The following PLEC variants were observed in gnomAD, a reference collection of about 807,000 sequenced individuals.
PLEC encodes the protein hemidesmosomal protein 1.
Under a neutral mutation model 392.8 loss-of-function variants are expected in PLEC, and 216 were observed. The ratio of observed to expected loss-of-function variants is 0.55; its 90% CI spans 0.49 to 0.62. The LOEUF (loss-of-function observed/expected upper bound fraction) is 0.62, where lower values mean the gene tolerates loss of function less well. PLEC is among the 20% of genes least tolerant of loss of function. PLEC has a pLI of 0.00. For synonymous variants in PLEC, 3,621 were observed against 2,980.6 expected (o/e 1.21, Z -7.00); for missense variants, 6,863 against 6,563.4 (o/e 1.05, Z -1.58).
upstream of PLEC, among the ~76,000 whole-genome samples, chr8:143,976,227 A>G (rs782291006): frequency 2.2e-4 from 34 of 152,174 alleles, no homozygotes; most frequent in Admixed American, 5.9e-4. Context: ...ACCAGGACGC[A>G]CGCATACCCA....
At position 143,928,004 on chromosome 8, in the gene PLEC, G is replaced by A. The variant is rs1554709196; in HGVS notation, c.3261-12C>T. 6.3e-7 allele frequency: 1 copy of A among 1,588,486 alleles called. No individual in the cohort carries two copies. Among genetic ancestry groups the A allele is most frequent in the Non-Finnish European group, 8.6e-7 (1 of 1,163,302 alleles). Reference sequence around the variant, plus strand: ...TGATGGTCTTGAGCCTGGCGGGAAAGCGGGGCTCAGGGCCATGACATGGGG... The same window carrying A: ...TGATGGTCTTGAGCCTGGCGGGAAAACGGGGCTCAGGGCCATGACATGGGG... On this transcript the variant is annotated splice_polypyrimidine_tract_variant and intron_variant, in intron 25 of 31. Transcript: ENST00000345136.
chr8:143,918,227 C>T lies in PLEC; in HGVS notation c.11594G>A (p.Arg3865His), dbSNP rs200722246. Residue 3865 changes from arginine (R) to histidine (H), a missense_variant, in exon 32 of 32, where the codon CGT (arginine) becomes CAT (histidine). Coordinates refer to ENST00000345136, the MANE Select transcript of PLEC (RefSeq NM_201384.3). Reference sequence around the variant, plus strand: ...CAGCTGGCCGGTGCCGTCGTCACGACGGCACCGCCTGAGCAGCTGCGTGTA... The same window carrying T: ...CAGCTGGCCGGTGCCGTCGTCACGATGGCACCGCCTGAGCAGCTGCGTGTA... Reference protein sequence around the residue: ...LSYTQLLRRCRRDDGTGQLLL... With the variant: ...LSYTQLLRRCHRDDGTGQLLL... The T allele has an allele frequency of 1.9e-4, 293 of 1,581,144 alleles. 2 individuals are homozygous for T. The highest frequency in any genetic ancestry group is 5.7e-4 in the African/African-American group (42 of 74,302).
intron 1 of PLEC, among the ~76,000 whole-genome samples, chr8:143,967,418 T>TG (rs1833165742): frequency 7.0e-6 from 1 of 142,130 alleles, no homozygotes; most frequent in East Asian, 2.1e-4. Flanking sequence ...CAAAAATAGA[T>TG]GCGTGGTGTG....
rs368435908 is a variant in PLEC at position 143,932,420 on chromosome 8, C to T, written c.1957G>A (p.Ala653Thr). The change falls in exon 16 of 32, where the codon GCC becomes ACC. Residue 653 changes from alanine to threonine, a missense_variant. Ala to Thr is a moderately conservative substitution (Grantham distance 58). Coordinates refer to ENST00000345136, the MANE Select transcript of PLEC (RefSeq NM_201384.3). ...CTCACCGAGTAGCTCTCCTTCTTGG[C>T]GGTCATGTTGGTGTTGCGGTCGCTC... is the stretch of plus-strand genomic sequence containing the variant. ...DWSDRNTNMTAKKESYSALMR... is the reference protein window; with the variant it reads ...DWSDRNTNMTTKKESYSALMR... The T allele has an allele frequency of 2.7e-4, 432 of 1,612,806 alleles. No homozygotes were observed. The highest frequency in any genetic ancestry group is 3.3e-4 in the Non-Finnish European group (386 of 1,179,978).
At chr8:143,935,366 C>T in intron 6 of PLEC, 53 bp from the exon 7 acceptor site, 1 of 1,274,954 alleles carries the variant, frequency 7.8e-7, no homozygotes, top group Non-Finnish European at 1.1e-6. Flanking sequence ...AGCGGCCACA[C>T]CACACAGGCG....
upstream of PLEC, among the ~76,000 whole-genome samples, chr8:143,954,866 GTCTCCAGCAAGGCCTT>G (rs2132804929): frequency 6.6e-6 from 1 of 152,356 alleles, no homozygotes; most frequent in Non-Finnish European, 1.5e-5. The surrounding 1 kb of genome is among the most constrained non-coding windows in gnomAD (Gnocchi z 4.6). Flanking sequence ...GCCTGCCTCA[GTCTCCAGCAAGGCCTT>G]TCCTCTGCCT....
intron 28 of PLEC, 30 bp from the exon 29 acceptor site, chr8:143,927,111 G>T: frequency 6.3e-7 from 1 of 1,586,922 alleles, no homozygotes; most frequent in Non-Finnish European, 8.6e-7. Flanking sequence ...TCAGCCACCA[G>T]CTCTGCCCTC....
At chr8:143,938,078 C>T (rs1265969356) in intron 3 of PLEC, 73 bp downstream of exon 3, 5 of 1,106,376 alleles carry the variant, frequency 4.5e-6, no homozygotes, top group African/African-American at 1.5e-5. Context: ...CCGGAGAGGC[C>T]CCAAGGAGGG....
rs371948989 is a variant in PLEC, at chr8:143,921,232, C to A, written c.8589G>T (p.Thr2863=). The A allele has an allele frequency of 6.2e-7, 1 of 1,613,978 alleles. No homozygotes were observed. The highest frequency in any genetic ancestry group is 1.3e-5 in the African/African-American group (1 of 74,930). ...FFDPNTHENL[T]YLQLLERCVE... is the part of the protein sequence containing the mutation. Reference sequence around the variant, plus strand: ...CGCAGCGCTCCAGTAGCTGCAGGTACGTGAGGTTCTCGTGCGTGTTGGGGT... The same window carrying A: ...CGCAGCGCTCCAGTAGCTGCAGGTAAGTGAGGTTCTCGTGCGTGTTGGGGT... The change falls in exon 32 of 32, where the codon ACG becomes ACT. Residue 2863 remains threonine (T), a synonymous_variant. Transcript: ENST00000345136.
chr8:143,919,694 C>A lies in PLEC; in HGVS notation c.10127G>T (p.Arg3376Leu). The change falls in exon 32 of 32, where the codon CGC (arginine) becomes CTC (leucine). Residue 3376 changes from arginine (R) to leucine (L), a missense_variant. Physicochemically the swap from Arg to Leu is moderately radical, Grantham distance 102. Coordinates refer to ENST00000345136, the MANE Select transcript of PLEC (RefSeq NM_201384.3). ...KEKVSIYEAMRRGLLRATTAA... is the reference protein window; with the variant it reads ...KEKVSIYEAMLRGLLRATTAA... Reference sequence around the variant, plus strand: ...CGTTGTGGCTCTCAGCAGGCCCCGGCGCATGGCCTCGTAGATGGACACCTT... The same window carrying A: ...CGTTGTGGCTCTCAGCAGGCCCCGGAGCATGGCCTCGTAGATGGACACCTT... 5 of 1,602,824 alleles carry A rather than the reference C, an allele frequency of 3.1e-6. No individual in the cohort carries two copies. Among genetic ancestry groups the A allele is most frequent in the Non-Finnish European group, 4.3e-6 (5 of 1,175,632 alleles).
In PLEC at chr8:143,916,923, G is replaced by A. The variant is rs782022985; in HGVS notation, c.12898C>T (p.Arg4300Trp). Residue 4300 changes from arginine to tryptophan, a missense_variant, in exon 32 of 32, where the codon CGG (arginine) becomes TGG (tryptophan). Transcript: ENST00000345136. ...EKVSITEAMH[R>W]NLVDNITGQR... ...CCCGTGATGTTATCCACCAGGTTCC[G>A]GTGCATGGCCTCGGTGATGGACACC... 9.3e-6 allele frequency: 15 copies of A among 1,612,722 alleles called. No individual in the cohort carries two copies. The highest frequency in any genetic ancestry group is 5.0e-5 in the Admixed American group (3 of 60,002).
Position 143,927,391 on chromosome 8 carries a change from CCCA to C in PLEC, c.3756+16_3756+18del. On this transcript the variant is annotated intron_variant, in intron 27 of 31. Transcript: ENST00000345136. ...GCAGGGCACGCCCAGCCGCCCCGTC[CCCA>C]CCGACCCAAGCCCACCTGCTCCTGC... The C allele has an allele frequency of 1.2e-6, 2 of 1,607,974 alleles. No homozygotes were observed. Among genetic ancestry groups the C allele is most frequent in the African/African-American group, 1.3e-5 (1 of 75,002 alleles).
In PLEC at chr8:143,932,359, G is replaced by A. The variant is rs782118176; in HGVS notation, c.1977+41C>T. On this transcript the variant is annotated intron_variant, in intron 16 of 31. Coordinates refer to ENST00000345136, the MANE Select transcript of PLEC (RefSeq NM_201384.3). ...AGGGGACGGCCAGGGCACAGCTGGG[G>A]AGGGGGCTGTGGGGTTCAGGGCAGC... 1.9e-6 allele frequency: 3 copies of A among 1,610,882 alleles called. No individual in the cohort carries two copies. The South Asian group carries it at 3.3e-5, about 18-fold the overall frequency.
rs782125424 is a variant in PLEC, at chr8:143,924,707, C to A, written c.5222G>T (p.Arg1741Leu). 3 of 1,533,824 alleles carry A rather than the reference C, an allele frequency of 2.0e-6. No individual in the cohort carries two copies. The highest frequency in any genetic ancestry group is 2.4e-5 in the South Asian group (2 of 83,978). The change falls in exon 31 of 32, where the codon CGT becomes CTT. Residue 1741 changes from arginine (R) to leucine (L), a missense_variant. Coordinates refer to ENST00000345136, the MANE Select transcript of PLEC (RefSeq NM_201384.3). ...LLEEELARLQ[R>L]EAAAATQKRQ... ...TTTCTGCGTGGCTGCAGCCGCCTCA[C>A]GCTGCAGCCGGGCCAGCTCCTCCTC...
Position 143,933,520 on chromosome 8 carries a change from C to T in PLEC, c.1264-169G>A, listed in dbSNP as rs190758111. On this transcript the variant is annotated intron_variant, in intron 12 of 31. Transcript: ENST00000345136. ...CCCACCTCACACATCTTCCTACTGG[C>T]CTTCTGGGGGATTGGGACCAAGTCC... Among the ~76,000 whole-genome samples, 453 of 152,338 alleles carry T rather than the reference C, an allele frequency of 3.0e-3. 3 individuals carry two copies. The highest frequency in any genetic ancestry group is 0.01 in the African/African-American group (429 of 41,576).
Position 143,969,308 on chromosome 8 carries a change from C to T in PLEC, c.70+4095G>A, listed in dbSNP as rs528748235. ...TCCTGTCTGCCTGAGCCCCTCAGCC[C>T]CCCCATTCTCCCTGTCCCCCATCCA... On this transcript the variant is annotated intron_variant, in intron 1 of 31. Transcript: ENST00000356346. This position sits in a 1 kb window ranked among gnomAD's most constrained non-coding sequence, Gnocchi z 5.1. Among the ~76,000 whole-genome samples the T allele has an allele frequency of 3.9e-5, 6 of 152,316 alleles. No individual in the cohort carries two copies. The highest frequency in any genetic ancestry group is 1.4e-4 in the African/African-American group (6 of 41,568).
chr8:143,973,338 G>T lies in PLEC; in HGVS notation c.70+65C>A. 9 of 1,528,216 alleles carry T rather than the reference G, an allele frequency of 5.9e-6. No individual in the cohort carries two copies. The highest frequency in any genetic ancestry group is 7.1e-6 in the Non-Finnish European group (8 of 1,133,880). 94.7% of individuals were successfully genotyped at this position (1,528,216 alleles called of 1,614,324 possible). On this transcript the variant is annotated intron_variant, in intron 1 of 31. Coordinates refer to the PLEC transcript ENST00000356346. The surrounding 1 kb of genome is among the most constrained non-coding windows in gnomAD (Gnocchi z 5.6). The stretch of plus-strand genomic sequence containing the variant: ...GGCGATCGGGACCGCCACCGTGGAC[G>T]ACAAGGTGCTCGGCGGCTGGGCTGT...
chr8:143,934,959 G>C (rs1554721646), intron 8 of PLEC, 30 bp from the exon 9 acceptor site: 1 of 1,610,410 alleles, frequency 6.2e-7, no homozygotes, highest in African/African-American at 1.3e-5. Context: ...GCTGTCAGGG[G>C]TCGTCGGGGC....
Position 143,930,245 on chromosome 8 carries a change from G to A in PLEC, c.2511C>T (p.Ser837=), listed in dbSNP as rs571152542. The A allele has an allele frequency of 3.1e-6, 5 of 1,598,448 alleles. No individual in the cohort carries two copies. The East Asian group carries it at 6.7e-5, about 22-fold the overall frequency. ...ECQLVGPAQP[S]HWKVLSSSGS... is the part of the protein sequence containing the mutation. ...CGGAGCTGCTGAGCACCTTCCAGTG[G>A]GACGGCTGTGCAGGGCCCACCAGCT... The change falls in exon 21 of 32, where the codon TCC becomes TCT. Residue 837 remains serine, a synonymous_variant. Coordinates refer to ENST00000345136, the MANE Select transcript of PLEC (RefSeq NM_201384.3).
Sources: allele counts gnomAD v4.1 joint callset (sites outside exome capture counted in the v4.1 genomes callset), GRCh38; gene constraint gnomAD v4.1.1; non-coding constraint Gnocchi (gnomAD v3.1); transcripts MANE v1.5; gene names NCBI Gene and HGNC (gene_info 2026-07-23, HGNC 2026-07-21).